The following XKR4 variants were observed in gnomAD, a reference collection of about 807,000 sequenced individuals.
The protein encoded by XKR4 is XK-related protein 4.
In XKR4, 12 loss-of-function variants were observed where a neutral mutation model predicts 53.9. The ratio of observed to expected loss-of-function variants is 0.22; its 90% CI spans 0.14 to 0.36. The LOEUF is 0.36. Ranked by LOEUF, XKR4 falls within the 10% of genes least tolerant of loss-of-function variation. The probability of loss-of-function intolerance (pLI) is 1.00; values close to 1 mark genes in which losing one functional copy is unlikely to be tolerated. For synonymous variants in XKR4, 354 were observed against 362.4 expected, an observed-to-expected ratio of 0.98 and a Z score of 0.26; for missense variants, 799 against 859.5, an observed-to-expected ratio of 0.93 and a Z score of 0.88.
chr8:55,300,199 C>T (rs112638285), intron 1 of XKR4, among the ~76,000 whole-genome samples: 8 of 151,930 alleles, frequency 5.3e-5, no homozygotes, highest in Admixed American at 1.3e-4. Flanking sequence ...ATAAGGGAGT[C>T]GCTGAAATGA....
chr8:55,164,107 CT>C (rs1470799946), intron 1 of XKR4: 1 of 438,536 alleles, frequency 2.3e-6, no homozygotes, highest in Admixed American at 2.5e-5. Flanking sequence ...TCCACCTTCT[CT>C]TTTCAGCAGA....
rs150810992 is a variant in XKR4 at position 55,474,831 on chromosome 8, C to A, written c.1007-48450C>A. On this transcript the variant is annotated intron_variant, in intron 2 of 2. Transcript: ENST00000327381. ...ATTAGGTAATCTATATCTGGACACC[C>A]AGGCACCACATTATCAGAGTGTTCT... 1.4e-3 allele frequency among the ~76,000 whole-genome samples: 208 copies of A among 152,214 alleles called. 1 individual carries two copies. Among genetic ancestry groups the A allele is most frequent in the African/African-American group, 5.0e-3 (206 of 41,506 alleles).
intron 1 of XKR4, among the ~76,000 whole-genome samples, chr8:55,191,942 C>T (rs955243739): frequency 3.3e-5 from 5 of 151,518 alleles, no homozygotes; most frequent in Non-Finnish European, 5.9e-5. Context: ...ACTTTCTTAT[C>T]GTTTGTGATG....
intron 2 of XKR4, among the ~76,000 whole-genome samples, chr8:55,413,373 G>A (rs755238786): frequency 2.6e-5 from 4 of 152,000 alleles, no homozygotes; most frequent in East Asian, 1.9e-4. Context: ...TTACAGGTGC[G>A]CACCACCATG....
At chr8:55,503,685 C>T (rs1036133509) in intron 2 of XKR4, among the ~76,000 whole-genome samples, 2 of 152,044 alleles carry the variant, frequency 1.3e-5, no homozygotes, top group East Asian at 1.9e-4. Flanking sequence ...ATTTGCATGT[C>T]TTTTATTTCA....
At chr8:55,420,014 A>G (rs1804901228) in intron 2 of XKR4, among the ~76,000 whole-genome samples, 1 of 152,254 alleles carries the variant, frequency 6.6e-6, no homozygotes, top group South Asian at 2.1e-4. Context: ...GATCACTCCA[A>G]CAATTGTTAT....
chr8:55,207,617 C>T (rs1463676915), intron 1 of XKR4, among the ~76,000 whole-genome samples: 2 of 151,390 alleles, frequency 1.3e-5, no homozygotes, highest in Admixed American at 1.3e-4. Flanking sequence ...ACACCTTATA[C>T]ACACACACAC....
intron 1 of XKR4, among the ~76,000 whole-genome samples, chr8:55,111,559 A>C (rs1277015634): frequency 6.6e-6 from 1 of 152,210 alleles, no homozygotes; most frequent in Non-Finnish European, 1.5e-5. Context: ...TACATAATGC[A>C]ATTAACCTTA....
chr8:55,398,632 C>T (rs1422269532), intron 2 of XKR4, among the ~76,000 whole-genome samples: 2 of 152,130 alleles, frequency 1.3e-5, no homozygotes. Context: ...TCTGGACCTT[C>T]ACCTTTAAAA....
At chr8:55,285,405 T>C (rs1216809743) in intron 1 of XKR4, among the ~76,000 whole-genome samples, 3 of 152,176 alleles carry the variant, frequency 2.0e-5, no homozygotes, top group East Asian at 1.9e-4. Flanking sequence ...AATAAATCTT[T>C]ATTTCAGGTG....
At chr8:55,492,108 A>G (rs557243320) in intron 2 of XKR4, among the ~76,000 whole-genome samples, 2 of 152,280 alleles carry the variant, frequency 1.3e-5, no homozygotes, top group East Asian at 3.9e-4. Context: ...AGGTGTCTCC[A>G]GGCAAAGAGC....
rs539880679 is a variant in XKR4, at chr8:55,130,966, C to A, written c.806+27672C>A. 3.1e-4 allele frequency among the ~76,000 whole-genome samples: 47 copies of A among 152,192 alleles called. 1 individual carries two copies. Among genetic ancestry groups the A allele is most frequent in the African/African-American group, 1.1e-3 (45 of 41,532 alleles). Reference sequence around the variant, plus strand: ...CCTGAGGTCGGGAGTTTGAGACCAGCTTGACCGACGTGGAGAAACCCCATC... The same window carrying A: ...CCTGAGGTCGGGAGTTTGAGACCAGATTGACCGACGTGGAGAAACCCCATC... On this transcript the variant is annotated intron_variant, in intron 1 of 2. Transcript: ENST00000327381.
chr8:55,522,482 CTTTTAT>C (rs1232174021), intron 2 of XKR4, among the ~76,000 whole-genome samples: 1 of 152,164 alleles, frequency 6.6e-6, no homozygotes, highest in Non-Finnish European at 1.5e-5. Context: ...GTACACACAC[CTTTTAT>C]TTTTAAGAAT....
chr8:55,234,978 A>G (rs1164398958), intron 1 of XKR4, among the ~76,000 whole-genome samples: 1 of 152,240 alleles, frequency 6.6e-6, no homozygotes, highest in Non-Finnish European at 1.5e-5. Context: ...TGTGGCCGCC[A>G]TAACAAATTA....
At chr8:55,449,807 T>G (rs1805403667) in intron 2 of XKR4, 4 of 1,206,180 alleles carry the variant, frequency 3.3e-6, no homozygotes, top group African/African-American at 1.5e-5. Flanking sequence ...GAAGGCCCCC[T>G]TCTTGTACAG....
intron 2 of XKR4, among the ~76,000 whole-genome samples, chr8:55,432,720 C>T (rs1805119641): frequency 6.6e-6 from 1 of 152,136 alleles, no homozygotes. Context: ...TTCTGGGAGG[C>T]CTTCTTGTCT....
intron 2 of XKR4, among the ~76,000 whole-genome samples, chr8:55,465,114 T>C (rs1805737747): frequency 6.6e-6 from 1 of 152,154 alleles, no homozygotes; most frequent in South Asian, 2.1e-4. Flanking sequence ...AATGACTTTC[T>C]TCACAGAATT....
intron 1 of XKR4, chr8:55,135,750 C>T (rs1816619569): frequency 2.5e-6 from 1 of 407,982 alleles, no homozygotes; most frequent in Admixed American, 2.5e-5. Flanking sequence ...TGACCCCTGA[C>T]CCAGCAGGCC....
intron 1 of XKR4, among the ~76,000 whole-genome samples, chr8:55,207,040 G>A (rs1439016273): frequency 1.3e-5 from 2 of 152,218 alleles, no homozygotes; most frequent in Non-Finnish European, 2.9e-5. Context: ...TAGCAATAGA[G>A]GCTTGGAAGA....
Sources: allele counts gnomAD v4.1 joint callset (sites outside exome capture counted in the v4.1 genomes callset), GRCh38; gene constraint gnomAD v4.1.1; transcripts MANE v1.5; gene names NCBI Gene and HGNC (gene_info 2026-07-23, HGNC 2026-07-21).